Variants in FHIT observed in about 807,000 individuals in gnomAD.
FHIT encodes the protein bis(5'-adenosyl)-triphosphatase.
In FHIT, 19 loss-of-function variants were observed where a neutral mutation model predicts 17.9. The ratio of observed to expected loss-of-function variants is 1.06; its 90% confidence interval spans 0.74 to 1.56. The LOEUF (loss-of-function observed/expected upper bound fraction) is 1.56, where lower values mean the gene tolerates loss of function less well. Ranked by LOEUF, FHIT falls within the 40% of genes most tolerant of loss-of-function variation. The probability of loss-of-function intolerance (pLI) is 0.00; values close to 1 mark genes in which losing one functional copy is unlikely to be tolerated. For synonymous variants in FHIT, 81 were observed against 69.7 expected (o/e 1.16, Z -0.81); for missense variants, 248 against 189.2 (o/e 1.31, Z -1.82).
At chr3:60,252,049 C>T (rs1010957909) in intron 5 of FHIT, among the ~76,000 whole-genome samples, 19 of 152,096 alleles carry the variant, frequency 1.2e-4, no homozygotes, top group Admixed American at 4.6e-4. Context: ...CGAATGTGTG[C>T]CAAGTATTTC....
intron 5 of FHIT, among the ~76,000 whole-genome samples, chr3:60,380,291 C>T (rs1318627467): frequency 2.6e-5 from 4 of 152,164 alleles, no homozygotes; most frequent in African/African-American, 7.2e-5. Context: ...CCTTGTCACT[C>T]TCACTGCCTC....
intron 2 of FHIT, among the ~76,000 whole-genome samples, chr3:61,101,402 C>T (rs1001276128): frequency 7.2e-5 from 11 of 152,128 alleles, no homozygotes; most frequent in Admixed American, 5.9e-4. Flanking sequence ...GGGCTCTGTT[C>T]TATTCCGTTG....
chr3:60,023,179 T>A (rs1700614433), intron 5 of FHIT, among the ~76,000 whole-genome samples: 1 of 152,216 alleles, frequency 6.6e-6, no homozygotes, highest in Non-Finnish European at 1.5e-5. Context: ...CAATGAGAGA[T>A]TATTTTAAAC....
intron 8 of FHIT, among the ~76,000 whole-genome samples, chr3:59,768,767 C>G (rs975178156): frequency 6.6e-6 from 1 of 152,220 alleles, no homozygotes; most frequent in Non-Finnish European, 1.5e-5. Context: ...TTGTACCCAT[C>G]CTCAGTCCTC....
At chr3:61,183,132 G>A (rs1315893098) in intron 2 of FHIT, among the ~76,000 whole-genome samples, 1 of 152,136 alleles carries the variant, frequency 6.6e-6, no homozygotes, top group Non-Finnish European at 1.5e-5. Context: ...CCTGAATTCT[G>A]TTGCTTCTTG....
intron 3 of FHIT, among the ~76,000 whole-genome samples, chr3:60,826,375 G>A (rs1193109796): frequency 6.6e-6 from 1 of 152,126 alleles, no homozygotes; most frequent in Non-Finnish European, 1.5e-5. Flanking sequence ...TGCCCAGGCT[G>A]AAGTGCAATG....
intron 4 of FHIT, among the ~76,000 whole-genome samples, chr3:60,566,056 T>G (rs191982893): frequency 6.6e-6 from 1 of 152,294 alleles, no homozygotes; most frequent in Non-Finnish European, 1.5e-5. Flanking sequence ...TCAGTTTCCA[T>G]GTAGTTGAGT....
intron 2 of FHIT, among the ~76,000 whole-genome samples, chr3:61,099,979 T>C (rs2035766574): frequency 6.6e-6 from 1 of 152,180 alleles, no homozygotes; most frequent in South Asian, 2.1e-4. Flanking sequence ...CTTGTTATTG[T>C]TGTCTGGTTT....
intron 5 of FHIT, among the ~76,000 whole-genome samples, chr3:60,413,175 G>A (rs747861399): frequency 2.6e-5 from 4 of 152,114 alleles, no homozygotes; most frequent in Non-Finnish European, 2.9e-5. Flanking sequence ...GCTACATACA[G>A]CAATTAATTT....
intron 1 of FHIT, among the ~76,000 whole-genome samples, chr3:61,223,338 G>T (rs1401901750): frequency 2.6e-5 from 4 of 152,128 alleles, no homozygotes; most frequent in Non-Finnish European, 5.9e-5. Flanking sequence ...CTGAGAAACT[G>T]TCAGAATAAC....
intron 2 of FHIT, among the ~76,000 whole-genome samples, chr3:61,140,130 C>G (rs1401037354): frequency 6.6e-6 from 1 of 152,062 alleles, no homozygotes; most frequent in Non-Finnish European, 1.5e-5. Context: ...GTGTCATTTA[C>G]CAGCTCTGTA....
chr3:60,973,437 T>G (rs539898038), intron 3 of FHIT, among the ~76,000 whole-genome samples: 12 of 152,128 alleles, frequency 7.9e-5, no homozygotes, highest in Admixed American at 2.6e-4. Flanking sequence ...TCCCTGGGAG[T>G]GTACAAAAAG....
intron 5 of FHIT, among the ~76,000 whole-genome samples, chr3:60,126,931 GTAAC>G (rs1705579032): frequency 6.6e-6 from 1 of 152,024 alleles, no homozygotes; most frequent in Non-Finnish European, 1.5e-5. Context: ...GCGCGCTTCC[GTAAC>G]TAGTGGCCTT....
chr3:61,065,454 T>C (rs58852009), intron 2 of FHIT, among the ~76,000 whole-genome samples: 3,503 of 152,210 alleles, frequency 0.023, 112 homozygotes, highest in East Asian at 0.074. Flanking sequence ...TCATGGAATA[T>C]AAAAATCAAA....
intron 4 of FHIT, among the ~76,000 whole-genome samples, chr3:60,565,669 A>G (rs1185779370): frequency 6.6e-6 from 1 of 152,226 alleles, no homozygotes; most frequent in Non-Finnish European, 1.5e-5. Flanking sequence ...GTGATTGGCA[A>G]TAAGAGACAG....
chr3:59,923,417 C>T (rs967066122), intron 7 of FHIT, among the ~76,000 whole-genome samples: 5 of 152,058 alleles, frequency 3.3e-5, no homozygotes, highest in African/African-American at 1.2e-4. Flanking sequence ...CGAACTTAAT[C>T]TTTTAAATAG....
intron 7 of FHIT, among the ~76,000 whole-genome samples, chr3:59,923,591 C>G (rs1216911538): frequency 6.6e-6 from 1 of 152,122 alleles, no homozygotes; most frequent in Admixed American, 6.5e-5. Context: ...TGTACCTCGG[C>G]TGAAGTTAAA....
In FHIT at chr3:59,857,023, A is replaced by G. The variant is rs532507941; in HGVS notation, c.348+65323T>C. On this transcript the variant is annotated intron_variant, in intron 8 of 9. Coordinates refer to ENST00000492590, the MANE Select transcript of FHIT (RefSeq NM_002012.4). ...TGCAAAAAGTCACGCTAATGTAACAATCGCAGTCTCTGAATACTGATGCCT... is the reference window on the plus strand; with the variant it reads ...TGCAAAAAGTCACGCTAATGTAACAGTCGCAGTCTCTGAATACTGATGCCT... Among the ~76,000 whole-genome samples the G allele has an allele frequency of 9.2e-5, 14 of 152,350 alleles. 1 individual carries two copies. In the South Asian group the frequency reaches 2.9e-3, roughly 32 times the overall value.
chr3:60,331,242 C>A (rs1213270819), intron 5 of FHIT, among the ~76,000 whole-genome samples: 1 of 152,186 alleles, frequency 6.6e-6, no homozygotes, highest in African/African-American at 2.4e-5. Flanking sequence ...GCTTAGCTAG[C>A]CTCCTAGTTT....
Sources: gnomAD v4.1 joint callset for allele counts (sites outside exome capture counted in the v4.1 genomes callset) on GRCh38, gnomAD v4.1.1 for gene constraint, MANE v1.5 for transcripts, NCBI Gene and HGNC (gene_info 2026-07-23, HGNC 2026-07-21) for gene names.